CHRM3: variants seen among roughly 807,000 people sequenced by gnomAD.
The protein encoded by CHRM3 is muscarinic acetylcholine receptor M3.
Under a neutral mutation model 41.8 loss-of-function variants are expected in CHRM3, and 11 were observed. The observed-to-expected ratio is 0.26, with a 90% CI of 0.17 to 0.44. The LOEUF (loss-of-function observed/expected upper bound fraction) is 0.44. Ranked by LOEUF, CHRM3 falls within the 20% of genes least tolerant of loss-of-function variation. CHRM3 has a pLI of 1.00. For synonymous variants in CHRM3, 297 were observed against 301.4 expected, an observed-to-expected ratio of 0.99 and a Z score of 0.15; for missense variants, 571 against 745.4, an observed-to-expected ratio of 0.77 and a Z score of 2.72.
chr1:239,893,394 AGATCTGCTTACTAGGG>A (rs1355982544), intron 6 of CHRM3, among the ~76,000 whole-genome samples: 1 of 152,166 alleles, frequency 6.6e-6, no homozygotes, highest in East Asian at 1.9e-4. Context: ...TGTTCATGGA[AGATCTGCTTACTAGGG>A]CAGAGATTAG....
intron 1 of CHRM3, among the ~76,000 whole-genome samples, chr1:239,437,689 A>G (rs769946051): frequency 6.6e-6 from 1 of 152,062 alleles, no homozygotes; most frequent in Non-Finnish European, 1.5e-5. Context: ...AGCATGCATC[A>G]CACCCTCTTA....
chr1:239,766,612 A>T (rs1572224859), intron 5 of CHRM3, among the ~76,000 whole-genome samples: 1 of 152,160 alleles, frequency 6.6e-6, no homozygotes, highest in East Asian at 1.9e-4. Context: ...AGTTCACAGG[A>T]TATCTGTCTA....
At chr1:239,661,674 A>T (rs991154277) in intron 4 of CHRM3, among the ~76,000 whole-genome samples, 6 of 152,192 alleles carry the variant, frequency 3.9e-5, no homozygotes, top group Non-Finnish European at 5.9e-5. Flanking sequence ...AGGGATGAAC[A>T]GGTTGGAGCA....
intron 3 of CHRM3, chr1:239,605,968 A>G (rs1666194565): frequency 1.3e-5 from 2 of 152,116 alleles, no homozygotes; most frequent in Non-Finnish European, 2.9e-5. Context: ...TAATACTGCT[A>G]AGAGACTATT....
At position 239,602,140 on chromosome 1, in the gene CHRM3, A is replaced by G. The variant is rs181659384; in HGVS notation, c.-312-30084A>G. The stretch of plus-strand genomic sequence containing the variant: ...TATATATATATATATATATATATAT[A>G]ATTTTGTTTTTTGAGACACAGTTTC... On this transcript the variant is annotated intron_variant, in intron 3 of 6. Coordinates refer to ENST00000676153, the MANE Select transcript of CHRM3 (RefSeq NM_001375978.1). Among the ~76,000 whole-genome samples the G allele has an allele frequency of 9.0e-4, 130 of 144,838 alleles. 1 individual carries two copies. The highest frequency in any genetic ancestry group is 6.1e-3 in the Admixed American group (88 of 14,438).
chr1:239,670,709 G>A (rs1674271681), intron 4 of CHRM3, among the ~76,000 whole-genome samples: 1 of 151,876 alleles, frequency 6.6e-6, no homozygotes, highest in Admixed American at 6.6e-5. Context: ...TGTATTTTTA[G>A]TAGAGATGAG....
chr1:239,403,188 C>T (rs1660126383), intron 1 of CHRM3, among the ~76,000 whole-genome samples: 1 of 152,154 alleles, frequency 6.6e-6, no homozygotes, highest in African/African-American at 2.4e-5. Flanking sequence ...TTTATTTCTC[C>T]ATACGCCTCG....
chr1:239,905,298 TTGTC>T (rs1303946532), intron 6 of CHRM3, among the ~76,000 whole-genome samples: 1 of 152,174 alleles, frequency 6.6e-6, no homozygotes, highest in Non-Finnish European at 1.5e-5. Flanking sequence ...TGGGTTCAGA[TTGTC>T]TGGATGGAAC....
chr1:239,795,219 TAAG>T (rs1319741766), intron 5 of CHRM3, among the ~76,000 whole-genome samples: 4 of 152,304 alleles, frequency 2.6e-5, no homozygotes, highest in African/African-American at 9.6e-5. Flanking sequence ...TGAACTGACA[TAAG>T]AAGTAGGTGG....
chr1:239,796,806 C>G (rs1329963194), intron 5 of CHRM3, among the ~76,000 whole-genome samples: 1 of 152,074 alleles, frequency 6.6e-6, no homozygotes, highest in Non-Finnish European at 1.5e-5. Flanking sequence ...AAATAGTGTA[C>G]ATTGTACCCA....
chr1:239,497,902 A>T (rs1369945620), intron 2 of CHRM3, among the ~76,000 whole-genome samples: 1 of 152,234 alleles, frequency 6.6e-6, no homozygotes, highest in Non-Finnish European at 1.5e-5. Flanking sequence ...GTCTCAGCAT[A>T]TGAACCAGGG....
rs1160248317 is a variant in CHRM3, at chr1:239,886,046, A to G, written c.-19-21387A>G. 2.0e-5 allele frequency: 3 copies of G among 152,226 alleles called. No individual in the cohort carries two copies. The East Asian group carries it at 5.8e-4, about 29-fold the overall frequency. The allele number at this position is 152,226 out of a possible 1,614,324, so 9.4% of individuals were successfully genotyped here. On this transcript the variant is annotated intron_variant, in intron 6 of 6. Coordinates refer to ENST00000676153, the MANE Select transcript of CHRM3 (RefSeq NM_001375978.1). Reference sequence around the variant, plus strand: ...CTGTTAAAACATTTAATACCACATAAGCTGCTCTCCTAATTTCTTATAAAT... The same window carrying G: ...CTGTTAAAACATTTAATACCACATAGGCTGCTCTCCTAATTTCTTATAAAT...
intron 5 of CHRM3, among the ~76,000 whole-genome samples, chr1:239,784,140 C>T (rs990765327): frequency 1.3e-5 from 2 of 152,132 alleles, no homozygotes; most frequent in Non-Finnish European, 2.9e-5. Context: ...CATCGTTAGG[C>T]CTTCTTGGGA....
chr1:239,547,489 A>G (rs1659406930), intron 3 of CHRM3, among the ~76,000 whole-genome samples: 1 of 152,218 alleles, frequency 6.6e-6, no homozygotes, highest in Non-Finnish European at 1.5e-5. Flanking sequence ...AGATTTTAGA[A>G]TCAGAAAGCC....
rs1668823682 is a variant in CHRM3, at chr1:239,510,085, CA to C, written c.-422+17281del. On this transcript the variant is annotated intron_variant, in intron 2 of 6. Transcript: ENST00000676153. ...GCCTGGGCAGCATAAGACTCCGTCACAAACAAACAAACAAACAAAGTTTTGA... is the reference window on the plus strand; with the variant it reads ...GCCTGGGCAGCATAAGACTCCGTCACAACAAACAAACAAACAAAGTTTTGA... 3.3e-5 allele frequency among the ~76,000 whole-genome samples: 5 copies of C among 150,200 alleles called. No individual in the cohort carries two copies. In the South Asian group the frequency reaches 1.0e-3, roughly 31 times the overall value.
chr1:239,892,537 G>T (rs769129840), intron 6 of CHRM3, among the ~76,000 whole-genome samples: 11 of 152,062 alleles, frequency 7.2e-5, no homozygotes, highest in Non-Finnish European at 1.3e-4. Flanking sequence ...TTAATTATTT[G>T]ATTTTACACA....
chr1:239,500,762 G>A (rs915548595), intron 2 of CHRM3, among the ~76,000 whole-genome samples: 2 of 151,552 alleles, frequency 1.3e-5, no homozygotes, highest in African/African-American at 4.8e-5. Flanking sequence ...CATGACGAAT[G>A]CAACAGTACA....
At chr1:239,765,009 A>T (rs547557940) in intron 5 of CHRM3, among the ~76,000 whole-genome samples, 1 of 152,360 alleles carries the variant, frequency 6.6e-6, no homozygotes, top group African/African-American at 2.4e-5. Flanking sequence ...AATATTCCAG[A>T]AAAGAAAATT....
At chr1:239,721,805 C>G (rs1207945564) in intron 5 of CHRM3, among the ~76,000 whole-genome samples, 4 of 151,734 alleles carry the variant, frequency 2.6e-5, no homozygotes, top group African/African-American at 9.7e-5. Flanking sequence ...CATAGGCACT[C>G]ATGAAACAAT....
Sources: allele counts gnomAD v4.1 joint callset (sites outside exome capture counted in the v4.1 genomes callset), GRCh38; gene constraint gnomAD v4.1.1; transcripts MANE v1.5; gene names NCBI Gene and HGNC (gene_info 2026-07-23, HGNC 2026-07-21).